USP9X: variants seen among roughly 807,000 people sequenced by gnomAD.
USP9X encodes the protein ubiquitin specific peptidase 9 X-linked, also known as ubiquitin carboxyl-terminal hydrolase 9X.
In USP9X, 7 loss-of-function variants were observed where a neutral mutation model predicts 190.3. The ratio of observed to expected loss-of-function variants is 0.04; its 90% CI spans 0.02 to 0.07. The LOEUF (loss-of-function observed/expected upper bound fraction) is 0.07. Among genes scored for constraint, USP9X ranks in the 10% least tolerant of loss-of-function variants. USP9X has a pLI of 1.00. For missense variants in USP9X, 1,010 were observed against 1,916.9 expected (o/e 0.53, Z 8.83); for synonymous variants, 645 against 659.5 (o/e 0.98, Z 0.34).
intron 21 of USP9X, among the ~76,000 whole-genome samples, chrX:41,181,434 A>G (rs1425135011): frequency 4.2e-5 from 1 of 23,834 alleles, no homozygotes; most frequent in Non-Finnish European, 8.7e-5. Flanking sequence ...ACCACACCTG[A>G]CTTTTTTTTT....
chrX:41,183,208 G>GGATTACAGGC (rs1483515372), intron 21 of USP9X, among the ~76,000 whole-genome samples: 1 of 109,080 alleles, frequency 9.2e-6, no homozygotes, highest in Non-Finnish European at 1.9e-5. Context: ...CAGAGTGCTG[G>GGATTACAGGC]GATTACAGGC....
intron 1 of USP9X, among the ~76,000 whole-genome samples, chrX:41,093,834 G>T (rs1028319429): frequency 8.9e-6 from 1 of 111,982 alleles, no homozygotes; most frequent in East Asian, 2.8e-4. Flanking sequence ...AAAGGTGAGG[G>T]TATAATTAGA....
intron 20 of USP9X, among the ~76,000 whole-genome samples, chrX:41,171,100 G>C (rs1246902990): frequency 2.7e-5 from 3 of 112,100 alleles, no homozygotes; most frequent in Non-Finnish European, 3.8e-5. Flanking sequence ...GACCTGTGCA[G>C]TTCAAACTTG....
intron 20 of USP9X, 76 bp from the exon 21 acceptor site, chrX:41,171,762 G>A: frequency 4.5e-6 from 5 of 1,110,349 alleles, no homozygotes; most frequent in Non-Finnish European, 6.2e-6. Flanking sequence ...GATTAACACA[G>A]AGAAACTTAC....
chrX:41,086,303 G>C (rs995210726), intron 1 of USP9X, among the ~76,000 whole-genome samples, 194 bp downstream of exon 1: 1 of 112,395 alleles, frequency 8.9e-6, no homozygotes, highest in Non-Finnish European at 1.9e-5. Flanking sequence ...GTTGTGTGTG[G>C]AGCCGGTGTC....
chrX:41,086,357 T>C (rs2061911006), intron 1 of USP9X, among the ~76,000 whole-genome samples: 1 of 111,978 alleles, frequency 8.9e-6, no homozygotes, highest in African/African-American at 3.2e-5. Context: ...GGAAAATGGC[T>C]GACGGCTCCG....
intron 11 of USP9X, among the ~76,000 whole-genome samples, chrX:41,147,450 G>GT (rs760854080): frequency 0.17 from 11,994 of 69,637 alleles, 1,407 homozygotes; most frequent in East Asian, 0.35. Context: ...CTTAATCGTT[G>GT]TTTTTTTTTT....
chrX:41,223,167 CAT>C, intron 38 of USP9X, 48 bp from the exon 39 acceptor site: 1 of 1,138,379 alleles, frequency 8.8e-7, no homozygotes, highest in Non-Finnish European at 1.2e-6. Flanking sequence ...ATTTTTTCCT[CAT>C]ATTTTTCTCC....
At chrX:41,115,911 G>T (rs2062144922) in intron 1 of USP9X, among the ~76,000 whole-genome samples, 1 of 111,832 alleles carries the variant, frequency 8.9e-6, no homozygotes, top group Non-Finnish European at 1.9e-5. Flanking sequence ...GATAATGACT[G>T]GGTAAGAAAG....
intron 44 of USP9X, among the ~76,000 whole-genome samples, chrX:41,231,931 G>C (rs1286464678): frequency 9.0e-6 from 1 of 111,179 alleles, no homozygotes; most frequent in Non-Finnish European, 1.9e-5. Flanking sequence ...ACATTGTTCT[G>C]TTTTTAATCA....
chrX:41,150,158 A>C (rs1434729598), intron 12 of USP9X, among the ~76,000 whole-genome samples: 2 of 110,660 alleles, frequency 1.8e-5, no homozygotes, highest in Non-Finnish European at 3.8e-5. Context: ...CAGGAAAAAA[A>C]AAAAACAAAA....
chrX:41,126,339 G>A (rs756328427), intron 2 of USP9X, among the ~76,000 whole-genome samples: 2 of 111,942 alleles, frequency 1.8e-5, no homozygotes, highest in Non-Finnish European at 3.8e-5. Context: ...CCAGTATTCA[G>A]GTTTTTAAAA....
rs747362849 is a variant in USP9X, at chrX:41,180,070, T to C, written c.3149-3928T>C. On this transcript the variant is annotated intron_variant, in intron 21 of 44. Coordinates refer to ENST00000378308, the MANE Select transcript of USP9X (RefSeq NM_001039591.3). Reference sequence around the variant, plus strand: ...TAAATATAGTGCAGTACACCATATTTAGTTGACATAATTTTTAAAGCTGTC... The same window carrying C: ...TAAATATAGTGCAGTACACCATATTCAGTTGACATAATTTTTAAAGCTGTC... 1.5e-4 allele frequency among the ~76,000 whole-genome samples: 17 copies of C among 111,826 alleles called. No individual in the cohort carries two copies. In the East Asian group the frequency reaches 4.5e-3, roughly 29 times the overall value.
intron 11 of USP9X, 88 bp downstream of exon 11, chrX:41,144,714 C>A (rs1314098339): frequency 1.3e-6 from 1 of 751,939 alleles, no homozygotes; most frequent in East Asian, 3.5e-5. Flanking sequence ...CCAATAAATA[C>A]TTAAATAGAA....
intron 1 of USP9X, among the ~76,000 whole-genome samples, chrX:41,106,882 C>A (rs758439778): frequency 2.2e-4 from 18 of 82,847 alleles, no homozygotes; most frequent in African/African-American, 6.5e-4. Context: ...TCTTTCTTTT[C>A]TTTTCTTTTT....
At chrX:41,168,679 G>A (rs1171797883) in intron 18 of USP9X, among the ~76,000 whole-genome samples, 1 of 111,384 alleles carries the variant, frequency 9.0e-6, no homozygotes, top group Non-Finnish European at 1.9e-5. Flanking sequence ...ACTTTTTGTG[G>A]AGGTGGGGTT....
intron 1 of USP9X, among the ~76,000 whole-genome samples, chrX:41,089,634 G>C (rs1437904261): frequency 9.0e-6 from 1 of 111,558 alleles, no homozygotes; most frequent in East Asian, 2.8e-4. Context: ...ACAAATTACC[G>C]TTTAGTGTCA....
intron 1 of USP9X, among the ~76,000 whole-genome samples, chrX:41,112,267 C>G (rs1006321274): frequency 8.9e-6 from 1 of 112,766 alleles, no homozygotes; most frequent in Non-Finnish European, 1.9e-5. Context: ...CTGACAGTCA[C>G]TGCTTTCAAA....
At chrX:41,119,689 G>T (rs1192141227) in intron 1 of USP9X, among the ~76,000 whole-genome samples, 1 of 112,521 alleles carries the variant, frequency 8.9e-6, no homozygotes, top group Non-Finnish European at 1.9e-5. Context: ...TATTAGCCAG[G>T]TGTGGCAGCA....
Sources: allele counts gnomAD v4.1 joint callset (sites outside exome capture counted in the v4.1 genomes callset), GRCh38; gene constraint gnomAD v4.1.1; transcripts MANE v1.5; gene names NCBI Gene and HGNC (gene_info 2026-07-23, HGNC 2026-07-21).